MYO10: variants seen among roughly 807,000 people sequenced by gnomAD.
The protein encoded by MYO10 is unconventional myosin-X.
A neutral mutation model predicts 257.3 loss-of-function variants in MYO10; 133 were observed. The ratio of observed to expected loss-of-function variants is 0.52; its 90% CI spans 0.45 to 0.60. The LOEUF is 0.60. MYO10 is among the 20% of genes least tolerant of loss of function. The probability of loss-of-function intolerance (pLI) is 0.00; values close to 1 mark genes in which losing one functional copy is unlikely to be tolerated. For missense variants in MYO10, 2,399 were observed against 2,635.7 expected, an observed-to-expected ratio of 0.91 and a Z score of 1.97; for synonymous variants, 1,104 against 1,028.6, an observed-to-expected ratio of 1.07 and a Z score of -1.40.
At chr5:16,689,635 G>C (rs1022467859) in intron 28 of MYO10, among the ~76,000 whole-genome samples, 189 bp downstream of exon 28, 2 of 151,296 alleles carry the variant, frequency 1.3e-5, no homozygotes, top group African/African-American at 4.9e-5. Flanking sequence ...TGCTGTACTT[G>C]AACACATTTG....
chr5:16,921,660 T>C (rs1369700280), intron 1 of MYO10, among the ~76,000 whole-genome samples: 1 of 146,928 alleles, frequency 6.8e-6, no homozygotes, highest in African/African-American at 2.5e-5. Flanking sequence ...ACGAAAACAG[T>C]GGAGATGAGG....
chr5:16,902,708 G>T, intron 1 of MYO10: 2 of 820,852 alleles, frequency 2.4e-6, no homozygotes, highest in Non-Finnish European at 4.1e-6. Context: ...TGGGGTTTCA[G>T]TCAAGCTTGT....
intron 2 of MYO10, among the ~76,000 whole-genome samples, chr5:16,827,539 G>A (rs938883893): frequency 1.3e-5 from 2 of 152,136 alleles, no homozygotes; most frequent in Non-Finnish European, 2.9e-5. Flanking sequence ...CGCCCACCCT[G>A]GCTTCCCAAA....
At chr5:16,777,257 G>A (rs1435994665) in intron 9 of MYO10, among the ~76,000 whole-genome samples, 1 of 152,178 alleles carries the variant, frequency 6.6e-6, no homozygotes, top group African/African-American at 2.4e-5. Context: ...TAGAAAATAG[G>A]AGAGATGGAG....
intron 18 of MYO10, among the ~76,000 whole-genome samples, chr5:16,755,497 CAACA>C (rs1269060172): frequency 6.6e-6 from 1 of 152,172 alleles, no homozygotes; most frequent in Non-Finnish European, 1.5e-5. Context: ...ACCATTCTGT[CAACA>C]AACAAAAATC....
At chr5:16,921,651 C>T (rs1367143857) in intron 1 of MYO10, among the ~76,000 whole-genome samples, 1 of 143,068 alleles carries the variant, frequency 7.0e-6, no homozygotes, top group Non-Finnish European at 1.5e-5. Flanking sequence ...AAAAAAAAAA[C>T]GAAAACAGTG....
chr5:16,671,388 G>A lies in MYO10; in HGVS notation c.5430+34C>T, dbSNP rs377081796. The A allele has an allele frequency of 1.5e-4, 240 of 1,610,626 alleles. 1 individual carries two copies. The highest frequency in any genetic ancestry group is 2.3e-4 in the Admixed American group (14 of 59,678). The stretch of plus-strand genomic sequence containing the variant: ...TTAACAGGTTTCACCCTTGCTTGCC[G>A]GCAAAGAAATCTGTTTCTAACTATT... On this transcript the variant is annotated intron_variant, in intron 38 of 40. Coordinates refer to ENST00000513610, the MANE Select transcript of MYO10 (RefSeq NM_012334.3).
intron 19 of MYO10, among the ~76,000 whole-genome samples, chr5:16,737,348 C>G (rs1739843627): frequency 6.6e-6 from 1 of 152,146 alleles, no homozygotes; most frequent in Non-Finnish European, 1.5e-5. Context: ...GAAACTAGGA[C>G]AGCCATTCAT....
At chr5:16,748,383 T>C (rs952663478) in intron 19 of MYO10, among the ~76,000 whole-genome samples, 1 of 152,268 alleles carries the variant, frequency 6.6e-6, no homozygotes, top group Non-Finnish European at 1.5e-5. Context: ...TAGCTGGGGT[T>C]ACAGGTGTAC....
chr5:16,770,093 G>A lies in MYO10; in HGVS notation c.931-890C>T, dbSNP rs1435031346. 3.3e-5 allele frequency among the ~76,000 whole-genome samples: 5 copies of A among 152,068 alleles called. 1 individual carries two copies. In the South Asian group the frequency reaches 1.0e-3, roughly 31 times the overall value. On this transcript the variant is annotated intron_variant, in intron 9 of 40. Coordinates refer to ENST00000513610, the MANE Select transcript of MYO10 (RefSeq NM_012334.3). The stretch of plus-strand genomic sequence containing the variant: ...AAGAATTTTAAAAAATTAGCCAGGT[G>A]TGTTGGTGCACACCTGCAGTCCCAG...
chr5:16,857,620 G>A (rs182803967), intron 2 of MYO10, among the ~76,000 whole-genome samples: 6 of 152,166 alleles, frequency 3.9e-5, no homozygotes, highest in African/African-American at 1.4e-4. Flanking sequence ...GGTTTCACAG[G>A]TCTTCCAGGA....
At chr5:16,799,222 G>GTTCTGACAAAGATACTGCTCA (rs1742050586) in intron 3 of MYO10, among the ~76,000 whole-genome samples, 1 of 152,280 alleles carries the variant, frequency 6.6e-6, no homozygotes, top group Admixed American at 6.5e-5. Flanking sequence ...GATACTGCTC[G>GTTCTGACAAAGATACTGCTCA]TTCTGACAGT....
At chr5:16,700,146 A>G (rs1737975719) in intron 25 of MYO10, among the ~76,000 whole-genome samples, 1 of 152,200 alleles carries the variant, frequency 6.6e-6, no homozygotes, top group Non-Finnish European at 1.5e-5. Context: ...ACTGGAAAAG[A>G]GTACATTTAA....
At chr5:16,898,799 T>C in intron 1 of MYO10, among the ~76,000 whole-genome samples, 1 of 152,042 alleles carries the variant, frequency 6.6e-6, no homozygotes, top group East Asian at 1.9e-4. Context: ...CACAAAGTCA[T>C]AGTGGCTAAA....
intron 18 of MYO10, among the ~76,000 whole-genome samples, chr5:16,757,757 C>T (rs988482331): frequency 6.6e-6 from 1 of 152,126 alleles, no homozygotes; most frequent in East Asian, 1.9e-4. Context: ...CTTGATCTCC[C>T]AGGCTCAGGC....
At chr5:16,799,016 A>G (rs913833266) in intron 3 of MYO10, among the ~76,000 whole-genome samples, 7 of 152,206 alleles carry the variant, frequency 4.6e-5, no homozygotes, top group Non-Finnish European at 8.8e-5. Context: ...ATCATTTTGC[A>G]TGCCCCATTC....
chr5:16,774,911 C>T (rs1351076089), intron 9 of MYO10, among the ~76,000 whole-genome samples: 5 of 152,250 alleles, frequency 3.3e-5, no homozygotes, highest in Non-Finnish European at 7.4e-5. Context: ...CGCATGCGTA[C>T]ACAAGGTCAC....
At chr5:16,718,346 C>G (rs987670458) in intron 19 of MYO10, among the ~76,000 whole-genome samples, 2 of 152,172 alleles carry the variant, frequency 1.3e-5, no homozygotes, top group African/African-American at 2.4e-5. Context: ...GAGCGCACGG[C>G]GCAGGACTGG....
intron 1 of MYO10, among the ~76,000 whole-genome samples, chr5:16,891,346 AGG>A (rs1745047330): frequency 7.5e-4 from 40 of 53,144 alleles, no homozygotes; most frequent in Non-Finnish European, 1.3e-4. Flanking sequence ...GAAGGAAGGA[AGG>A]AAGGAAGGAA....
Sources: gnomAD v4.1 joint callset for allele counts (sites outside exome capture counted in the v4.1 genomes callset) on GRCh38, gnomAD v4.1.1 for gene constraint, MANE v1.5 for transcripts, NCBI Gene and HGNC (gene_info 2026-07-23, HGNC 2026-07-21) for gene names.